The following ARSB variants were observed in gnomAD, a reference collection of about 807,000 sequenced individuals.
The protein encoded by ARSB is N-acetylgalactosamine-4-sulfatase.
A neutral mutation model predicts 50.9 loss-of-function variants in ARSB; 41 were observed. The observed-to-expected ratio is 0.81, with a 90% confidence interval of 0.63 to 1.04. ARSB has a LOEUF of 1.04. Ranked by LOEUF, ARSB falls within the 50% of genes least tolerant of loss-of-function variation. The pLI is 0.00. For missense variants in ARSB, 672 were observed against 693.3 expected (o/e 0.97, Z 0.35); for synonymous variants, 269 against 284.8 (o/e 0.94, Z 0.56).
chr5:78,793,654 G>A (rs769035789), intron 6 of ARSB, among the ~76,000 whole-genome samples: 6 of 152,116 alleles, frequency 3.9e-5, no homozygotes, highest in South Asian at 2.1e-4. Context: ...GATTTACTTC[G>A]TCAACAAATA....
At chr5:78,983,094 C>A (rs1274577353) in intron 1 of ARSB, among the ~76,000 whole-genome samples, 2 of 152,148 alleles carry the variant, frequency 1.3e-5, no homozygotes, top group African/African-American at 4.8e-5. Flanking sequence ...TGCTCTGTCG[C>A]CCAGGCTGGA....
At position 78,985,098 on chromosome 5, in the gene ARSB, G is replaced by A; in HGVS notation, c.151C>T (p.Leu51=). 1 of 1,522,044 alleles carries A rather than the reference G, an allele frequency of 6.6e-7. No individual in the cohort carries two copies. The highest frequency in any genetic ancestry group is 8.8e-7 in the Non-Finnish European group (1 of 1,133,576). 94.3% of individuals were successfully genotyped at this position (1,522,044 alleles called of 1,614,324 possible). A position where few individuals can be genotyped will look rare whatever the true frequency, so the allele number is the denominator to read the frequency against. Residue 51 remains leucine (L), a synonymous_variant, in exon 1 of 8, where the codon CTG becomes TTG. Transcript: ENST00000264914. ...ASRPPHLVFL[L]ADDLGWNDVG... ...TCGTTCCAGCCTAGGTCGTCTGCCA[G>A]CAAGAAGACCAGGTGGGGCGGCCGG...
chr5:78,966,541 A>G lies in ARSB; in HGVS notation c.500-1935T>C, dbSNP rs143340237. Among the ~76,000 whole-genome samples, 288 of 152,328 alleles carry G rather than the reference A, an allele frequency of 1.9e-3. 1 individual carries two copies. The highest frequency in any genetic ancestry group is 6.6e-3 in the African/African-American group (274 of 41,574). Reference sequence around the variant, plus strand: ...ACCATCACCTGATTTTTAGCAAAAGAGCTGAGATGTAACAGTGAGAAGAGC... The same window carrying G: ...ACCATCACCTGATTTTTAGCAAAAGGGCTGAGATGTAACAGTGAGAAGAGC... On this transcript the variant is annotated intron_variant, in intron 2 of 7. Coordinates refer to ENST00000264914, the MANE Select transcript of ARSB (RefSeq NM_000046.5).
chr5:78,826,390 A>G (rs1471948804), intron 6 of ARSB, among the ~76,000 whole-genome samples: 2 of 152,094 alleles, frequency 1.3e-5, no homozygotes, highest in African/African-American at 4.8e-5. Flanking sequence ...TTCAACAACT[A>G]CTTATTGTGC....
intron 5 of ARSB, chr5:78,883,117 C>T (rs1415716479): frequency 1.3e-5 from 2 of 151,998 alleles, no homozygotes; most frequent in Non-Finnish European, 2.9e-5. Context: ...TGCAAATTAT[C>T]TACAATGACA....
At chr5:78,817,166 A>G (rs1744023726) in intron 6 of ARSB, 1 of 952,836 alleles carries the variant, frequency 1.0e-6, no homozygotes, top group African/African-American at 1.8e-5. Flanking sequence ...ATTAGTAGGC[A>G]CAAAATAACA....
intron 5 of ARSB, among the ~76,000 whole-genome samples, chr5:78,855,434 C>T (rs1339092088): frequency 2.0e-5 from 3 of 152,194 alleles, no homozygotes; most frequent in East Asian, 1.9e-4. Flanking sequence ...AGCAGCTCCA[C>T]CTCTGCTTGG....
intron 4 of ARSB, among the ~76,000 whole-genome samples, chr5:78,939,555 AGATTGCTGAAAAT>A (rs1750799021): frequency 2.0e-5 from 3 of 152,052 alleles, no homozygotes. Flanking sequence ...TCTTTGCGAT[AGATTGCTGAAAAT>A]GATGGTTTCC....
chr5:78,837,484 C>A (rs934509580), intron 6 of ARSB, among the ~76,000 whole-genome samples: 1 of 152,122 alleles, frequency 6.6e-6, no homozygotes, highest in African/African-American at 2.4e-5. Flanking sequence ...ATCAGCTCAG[C>A]TGATCAACTT....
chr5:78,871,226 A>G (rs1215575340), intron 5 of ARSB, among the ~76,000 whole-genome samples: 1 of 151,962 alleles, frequency 6.6e-6, no homozygotes, highest in Non-Finnish European at 1.5e-5. Flanking sequence ...ATATCGTGAA[A>G]ATGGCCATAC....
chr5:78,884,415 A>G (rs1297538646), intron 5 of ARSB: 1 of 152,068 alleles, frequency 6.6e-6, no homozygotes, highest in Non-Finnish European at 1.5e-5. Flanking sequence ...ATTTGAGGGT[A>G]TGTTAAATAT....
intron 5 of ARSB, among the ~76,000 whole-genome samples, chr5:78,866,982 A>T (rs1483023783): frequency 6.6e-6 from 1 of 152,216 alleles, no homozygotes; most frequent in African/African-American, 2.4e-5. Flanking sequence ...GAGCCAAAGC[A>T]GGGCGAGGCA....
At chr5:78,949,501 T>TTC (rs1751405680) in intron 4 of ARSB, among the ~76,000 whole-genome samples, 1 of 152,204 alleles carries the variant, frequency 6.6e-6, no homozygotes, top group African/African-American at 2.4e-5. Context: ...AATTTCAACT[T>TTC]CAGGAAATGA....
intron 4 of ARSB, among the ~76,000 whole-genome samples, chr5:78,906,029 TGC>T (rs1749050573): frequency 6.6e-6 from 1 of 150,750 alleles, no homozygotes; most frequent in Admixed American, 6.6e-5. Flanking sequence ...ACAACACCAA[TGC>T]AGATCTTCAA....
At chr5:78,819,892 A>G (rs1290732326) in intron 6 of ARSB, among the ~76,000 whole-genome samples, 4 of 152,238 alleles carry the variant, frequency 2.6e-5, no homozygotes, top group South Asian at 4.1e-4. Context: ...CAGAAAACCC[A>G]CTGGTCACCT....
intron 6 of ARSB, among the ~76,000 whole-genome samples, chr5:78,801,677 T>C (rs895506901): frequency 3.9e-5 from 6 of 152,138 alleles, no homozygotes; most frequent in Non-Finnish European, 8.8e-5. Context: ...TCCCTTGCAG[T>C]TGGGTGTGTG....
At chr5:78,917,981 G>A (rs903411955) in intron 4 of ARSB, among the ~76,000 whole-genome samples, 7 of 152,264 alleles carry the variant, frequency 4.6e-5, no homozygotes, top group Non-Finnish European at 8.8e-5. Flanking sequence ...ACTTCCTTAC[G>A]CTGGCTCATC....
At chr5:78,864,575 C>A (rs1033708597) in intron 5 of ARSB, among the ~76,000 whole-genome samples, 13 of 152,074 alleles carry the variant, frequency 8.5e-5, no homozygotes, top group African/African-American at 3.1e-4. Context: ...TGGCCCCTCC[C>A]AAATCTCATG....
intron 4 of ARSB, among the ~76,000 whole-genome samples, chr5:78,933,902 A>G (rs1750464548): frequency 6.6e-6 from 1 of 152,220 alleles, no homozygotes; most frequent in Non-Finnish European, 1.5e-5. Context: ...AGAAGGAAGA[A>G]TAGACTAGAG....
Sources: allele counts gnomAD v4.1 joint callset (sites outside exome capture counted in the v4.1 genomes callset), GRCh38; gene constraint gnomAD v4.1.1; transcripts MANE v1.5; gene names NCBI Gene and HGNC (gene_info 2026-07-23, HGNC 2026-07-21).